The following PALM2AKAP2 variants were observed in gnomAD, a reference collection of about 807,000 sequenced individuals.
PALM2AKAP2 encodes the protein PALM2 and AKAP2 fusion, also known as PALM2-AKAP2 fusion protein.
A neutral mutation model predicts 71.5 loss-of-function variants in PALM2AKAP2; 37 were observed. That is an observed-to-expected ratio of 0.52 (90% CI 0.40 to 0.68). The LOEUF is 0.68. PALM2AKAP2 is among the 30% of genes least tolerant of loss of function. The pLI is 0.00. For synonymous variants in PALM2AKAP2, 468 were observed against 478.8 expected (o/e 0.98, Z 0.29); for missense variants, 1,224 against 1,191.8 (o/e 1.03, Z -0.40).
chr9:109,945,618 C>G (rs1728081007), intron 6 of PALM2AKAP2: 1 of 152,208 alleles, frequency 6.6e-6, no homozygotes. Flanking sequence ...AAGAAACAAT[C>G]TGAAAGCTTA....
chr9:110,016,933 G>A (rs1221145514), intron 7 of PALM2AKAP2, among the ~76,000 whole-genome samples: 1 of 152,122 alleles, frequency 6.6e-6, no homozygotes, highest in Admixed American at 6.5e-5. Context: ...AGGCCGGAGT[G>A]CAGTGGTGCG....
intron 1 of PALM2AKAP2, among the ~76,000 whole-genome samples, chr9:109,829,778 C>CCT (rs1172278785): frequency 4.0e-5 from 6 of 151,872 alleles, no homozygotes; most frequent in African/African-American, 1.5e-4. Flanking sequence ...CTTGGTAACC[C>CCT]TGTTCACTTA....
chr9:109,768,002 C>A (rs1275665610), intron 1 of PALM2AKAP2, among the ~76,000 whole-genome samples: 1,743 of 59,010 alleles, frequency 0.03, 14 homozygotes, highest in Middle Eastern at 0.071. Context: ...GGAGCAAAGG[C>A]AGGTAGGTAG....
exon 7 of PALM2AKAP2, chr9:110,015,961 G>A: frequency 1.9e-6 from 3 of 1,613,908 alleles, no homozygotes; most frequent in African/African-American, 1.3e-5. Context: ...CAGGAGTCGG[G>A]TGGGAGAATG....
At chr9:109,881,301 GT>G (rs1432652573) in intron 3 of PALM2AKAP2, among the ~76,000 whole-genome samples, 1 of 152,186 alleles carries the variant, frequency 6.6e-6, no homozygotes, top group Non-Finnish European at 1.5e-5. Context: ...CCCACAAGGT[GT>G]TGTGAGCAGC....
chr9:109,818,518 C>T (rs181299311), intron 1 of PALM2AKAP2, among the ~76,000 whole-genome samples: 97 of 152,248 alleles, frequency 6.4e-4, no homozygotes, highest in African/African-American at 2.2e-3. Flanking sequence ...TTTTATGATG[C>T]TTCTGTATCT....
At chr9:109,731,468 C>G (rs745749791) in intron 1 of PALM2AKAP2, among the ~76,000 whole-genome samples, 5 of 152,128 alleles carry the variant, frequency 3.3e-5, no homozygotes, top group Non-Finnish European at 7.3e-5. Flanking sequence ...AACACAATCA[C>G]CTTTTGAATC....
At chr9:109,743,227 C>A (rs3117683) in intron 1 of PALM2AKAP2, among the ~76,000 whole-genome samples, 22,332 of 152,166 alleles carry the variant, frequency 0.15, 2,054 homozygotes, top group Non-Finnish European at 0.21. Flanking sequence ...TTAACTGCAT[C>A]CTGGGAAGTG....
At chr9:110,167,976 A>G (rs1836776572) in intron 3 of PALM2AKAP2, among the ~76,000 whole-genome samples, 3 of 152,328 alleles carry the variant, frequency 2.0e-5, no homozygotes, top group South Asian at 2.1e-4. Context: ...GCCCTATTTC[A>G]AGTGCTCAAT....
At chr9:109,835,532 G>A (rs1296875809) in intron 1 of PALM2AKAP2, among the ~76,000 whole-genome samples, 1 of 152,122 alleles carries the variant, frequency 6.6e-6, no homozygotes, top group Non-Finnish European at 1.5e-5. Context: ...GACAGTGGGT[G>A]CAGGACAGGG....
At chr9:109,812,892 A>G (rs1003734662) in intron 1 of PALM2AKAP2, among the ~76,000 whole-genome samples, 2 of 152,176 alleles carry the variant, frequency 1.3e-5, no homozygotes, top group African/African-American at 4.8e-5. Context: ...TTCTCTCAGT[A>G]GCATAAGATA....
chr9:109,847,502 G>A (rs113781330), intron 1 of PALM2AKAP2: 3,083 of 152,364 alleles, frequency 0.02, 41 homozygotes, highest in Middle Eastern at 0.054. Context: ...AGCACCTTGG[G>A]AGGCCAAGGT....
chr9:110,108,118 CTTTTTTT>C (rs371354620), intron 1 of PALM2AKAP2, among the ~76,000 whole-genome samples: 2 of 111,228 alleles, frequency 1.8e-5, no homozygotes, highest in African/African-American at 6.9e-5. Context: ...TTCTTTTTTT[CTTTTTTT>C]TTTTTTTGAG....
intron 3 of PALM2AKAP2, among the ~76,000 whole-genome samples, chr9:109,884,408 G>A (rs1490250728): frequency 6.6e-6 from 1 of 152,186 alleles, no homozygotes; most frequent in Non-Finnish European, 1.5e-5. Flanking sequence ...GTTGCAGTGA[G>A]CTGAGATCAT....
chr9:109,724,477 A>G (rs1464365530), intron 1 of PALM2AKAP2, among the ~76,000 whole-genome samples: 1 of 151,940 alleles, frequency 6.6e-6, no homozygotes, highest in Non-Finnish European at 1.5e-5. Flanking sequence ...GCTTAACCAG[A>G]TCAAAAGACA....
chr9:109,970,914 C>T (rs1381748875), intron 6 of PALM2AKAP2, among the ~76,000 whole-genome samples: 2 of 152,044 alleles, frequency 1.3e-5, no homozygotes, highest in Non-Finnish European at 2.9e-5. Flanking sequence ...TTGAGACCAG[C>T]CTGGGCAACA....
At chr9:109,799,222 G>C (rs1482323019) in intron 1 of PALM2AKAP2, among the ~76,000 whole-genome samples, 2 of 152,262 alleles carry the variant, frequency 1.3e-5, no homozygotes, top group Admixed American at 6.5e-5. Flanking sequence ...GCTCAGCGTG[G>C]CTCGTGGATG....
rs1381518498 is a variant in PALM2AKAP2 at position 110,078,186 on chromosome 9, G to A, written c.156+29331G>A. ...AAAACTATTTACTAGAACCAGCGGC[G>A]ACCAGATTTGGCACATGGGCTGTCT... On this transcript the variant is annotated intron_variant, in intron 1 of 3. Transcript: ENST00000374525. Among the ~76,000 whole-genome samples, 6 of 152,174 alleles carry A rather than the reference G, an allele frequency of 3.9e-5. No individual in the cohort carries two copies. In the East Asian group the frequency reaches 7.7e-4, roughly 20 times the overall value.
chr9:109,837,002 A>G lies in PALM2AKAP2; in HGVS notation c.46-30489A>G, dbSNP rs919824705. ...TTCCCCAACATAGCAATGCAGGCCA[A>G]CATTCAAATTCAGGAAATACAGAGA... On this transcript the variant is annotated intron_variant, in intron 1 of 9. Coordinates refer to the PALM2AKAP2 transcript ENST00000302798. Among the ~76,000 whole-genome samples, 5 of 152,354 alleles carry G rather than the reference A, an allele frequency of 3.3e-5. No homozygotes were observed. In the East Asian group the frequency reaches 9.6e-4, roughly 29 times the overall value.
Sources: allele counts gnomAD v4.1 joint callset (sites outside exome capture counted in the v4.1 genomes callset), GRCh38; gene constraint gnomAD v4.1.1; transcripts MANE v1.5; gene names NCBI Gene and HGNC (gene_info 2026-07-23, HGNC 2026-07-21).